The following RBFOX1 variants were observed in gnomAD, a reference collection of about 807,000 sequenced individuals.
RBFOX1 encodes the protein RNA binding protein fox-1 homolog 1.
Under a neutral mutation model 57.7 loss-of-function variants are expected in RBFOX1, and 8 were observed. The observed-to-expected ratio is 0.14, with a 90% CI of 0.08 to 0.25. The LOEUF (loss-of-function observed/expected upper bound fraction) is 0.25, where lower values mean the gene tolerates loss of function less well. RBFOX1 is among the 10% of genes least tolerant of loss of function. The pLI is 1.00. For missense variants in RBFOX1, 611 were observed against 548.5 expected, an observed-to-expected ratio of 1.11 and a Z score of -1.14; for synonymous variants, 326 against 222.4, an observed-to-expected ratio of 1.47 and a Z score of -4.15.
intron 1 of RBFOX1, among the ~76,000 whole-genome samples, chr16:6,155,532 G>C (rs1597860959): frequency 6.6e-6 from 1 of 152,206 alleles, no homozygotes; most frequent in East Asian, 1.9e-4. Context: ...TAACCTCCAG[G>C]TTACTGGTTA....
chr16:7,413,654 T>G (rs1333296414), intron 4 of RBFOX1, among the ~76,000 whole-genome samples: 1 of 152,100 alleles, frequency 6.6e-6, no homozygotes, highest in African/African-American at 2.4e-5. Flanking sequence ...TTGCCTGTTT[T>G]CTAACATAAA....
intron 2 of RBFOX1, among the ~76,000 whole-genome samples, chr16:6,477,753 T>A (rs190356151): frequency 3.9e-5 from 6 of 152,352 alleles, no homozygotes; most frequent in African/African-American, 1.4e-4. Context: ...GATACCATCT[T>A]CTTCCAAGAG....
intron 2 of RBFOX1, among the ~76,000 whole-genome samples, chr16:6,484,282 C>T (rs1249013963): frequency 6.6e-6 from 1 of 152,176 alleles, no homozygotes; most frequent in Admixed American, 6.5e-5. Context: ...GCTCACGTTG[C>T]AAGGGAGCAT....
At chr16:5,987,073 A>G (rs2060299448) in intron 4 of RBFOX1, among the ~76,000 whole-genome samples, 1 of 152,146 alleles carries the variant, frequency 6.6e-6, no homozygotes, top group Non-Finnish European at 1.5e-5. Context: ...CTATTCTTAC[A>G]GGTTGTAGTG....
chr16:6,808,951 C>G (rs962279506), intron 3 of RBFOX1, among the ~76,000 whole-genome samples: 3 of 152,178 alleles, frequency 2.0e-5, no homozygotes, highest in Non-Finnish European at 4.4e-5. Context: ...CTCTGTACTT[C>G]TATATTTGAG....
intron 3 of RBFOX1, among the ~76,000 whole-genome samples, chr16:5,722,039 G>A (rs528393683): frequency 6.6e-6 from 1 of 152,314 alleles, no homozygotes; most frequent in African/African-American, 2.4e-5. Context: ...GAATCCTCAT[G>A]TGGTAGAATC....
intron 1 of RBFOX1, among the ~76,000 whole-genome samples, chr16:5,397,515 C>G (rs998674663): frequency 2.6e-5 from 4 of 152,160 alleles, no homozygotes; most frequent in Admixed American, 2.6e-4. Flanking sequence ...ACCCCATTCC[C>G]CTCTGTACCA....
intron 2 of RBFOX1, among the ~76,000 whole-genome samples, chr16:6,545,767 A>T (rs1475531737): frequency 3.3e-5 from 5 of 152,234 alleles, no homozygotes; most frequent in Non-Finnish European, 7.3e-5. Context: ...GGCTGATGGC[A>T]TCTTTGTGAG....
chr16:7,422,605 C>G (rs554379553), intron 4 of RBFOX1, among the ~76,000 whole-genome samples: 1 of 152,100 alleles, frequency 6.6e-6, no homozygotes, highest in Non-Finnish European at 1.5e-5. Context: ...CTTACCCACT[C>G]AGCACGATTT....
rs2094576517 is a variant in RBFOX1 at position 6,450,767 on chromosome 16, GTATATATATATATATATATATACA to G, written c.-64+133720_-64+133743del. On this transcript the variant is annotated intron_variant, in intron 2 of 15. Coordinates refer to ENST00000550418, the MANE Select transcript of RBFOX1 (RefSeq NM_018723.4). Reference sequence around the variant, plus strand: ...TATATATATATACATATATATATGTGTATATATATATATATATATATACATATATATATGTATATATATATATAT... The same window carrying G: ...TATATATATATACATATATATATGTGTATATATATGTATATATATATATAT... 8.8e-5 allele frequency among the ~76,000 whole-genome samples: 3 copies of G among 34,122 alleles called. 1 individual carries two copies. In the Admixed American group the frequency reaches 1.3e-3, roughly 14 times the overall value. The allele number at this position is 34,122 out of a possible 152,430, so 22.4% of individuals were successfully genotyped here. A position where few individuals can be genotyped will look rare whatever the true frequency, so the allele number is the denominator to read the frequency against.
At position 6,121,743 on chromosome 16, in the gene RBFOX1, T is replaced by G. The variant is rs1017247374; in HGVS notation, c.-127+101751T>G. Among the ~76,000 whole-genome samples the G allele has an allele frequency of 7.2e-5, 11 of 152,172 alleles. No individual in the cohort carries two copies. The South Asian group carries it at 2.1e-3, about 29-fold the overall frequency. On this transcript the variant is annotated intron_variant, in intron 1 of 15. Coordinates refer to ENST00000550418, the MANE Select transcript of RBFOX1 (RefSeq NM_018723.4). ...CTGCTTTCTACATTTACCAGCTGGG[T>G]GAAGGTGAACAAGTTCATTGATCTC...
chr16:5,736,931 G>A (rs2052598203), intron 3 of RBFOX1, among the ~76,000 whole-genome samples: 1 of 124,824 alleles, frequency 8.0e-6, no homozygotes, highest in Non-Finnish European at 1.6e-5. Context: ...CTCTCTCCCT[G>A]TCTCTCTTCC....
intron 2 of RBFOX1, among the ~76,000 whole-genome samples, chr16:6,593,901 C>A (rs952777137): frequency 1.1e-4 from 16 of 152,250 alleles, no homozygotes; most frequent in African/African-American, 3.6e-4. Context: ...TCTCTCATTG[C>A]CTAGCGATTT....
chr16:6,255,087 G>A (rs887923453), intron 1 of RBFOX1, among the ~76,000 whole-genome samples: 2 of 152,072 alleles, frequency 1.3e-5, no homozygotes, highest in African/African-American at 4.8e-5. Context: ...CCGCGGACCT[G>A]TTTTTCAGCT....
chr16:7,213,437 T>G (rs1287452795), intron 4 of RBFOX1, among the ~76,000 whole-genome samples: 1 of 152,176 alleles, frequency 6.6e-6, no homozygotes, highest in Non-Finnish European at 1.5e-5. Flanking sequence ...ACATTAAAGA[T>G]TCACAAAATG....
At chr16:5,400,381 C>G (rs574098431) in intron 1 of RBFOX1, among the ~76,000 whole-genome samples, 1 of 152,158 alleles carries the variant, frequency 6.6e-6, no homozygotes, top group African/African-American at 2.4e-5. Context: ...GCGTGAGCCA[C>G]CACACCCGGC....
chr16:5,482,477 G>C (rs1427776208), intron 2 of RBFOX1, among the ~76,000 whole-genome samples: 2 of 152,196 alleles, frequency 1.3e-5, no homozygotes, highest in Non-Finnish European at 2.9e-5. Flanking sequence ...AGACAGCCAG[G>C]GCTGCCTGGT....
At chr16:6,985,255 A>G (rs759892054) in intron 3 of RBFOX1, among the ~76,000 whole-genome samples, 3 of 151,760 alleles carry the variant, frequency 2.0e-5, no homozygotes, top group Non-Finnish European at 4.4e-5. Flanking sequence ...TACATGCCAC[A>G]TATTGGTAGG....
chr16:6,483,019 C>T (rs895400299), intron 2 of RBFOX1, among the ~76,000 whole-genome samples: 4 of 152,238 alleles, frequency 2.6e-5, no homozygotes, highest in Non-Finnish European at 5.9e-5. Context: ...GGAAGGGACA[C>T]GTGCGGGCGA....
Sources: allele counts gnomAD v4.1 joint callset (sites outside exome capture counted in the v4.1 genomes callset), GRCh38; gene constraint gnomAD v4.1.1; transcripts MANE v1.5; gene names NCBI Gene and HGNC (gene_info 2026-07-23, HGNC 2026-07-21).